The following ASB15 variants were observed in gnomAD, a reference collection of about 807,000 sequenced individuals.
ASB15 encodes the protein ankyrin repeat and SOCS box containing 15, also known as ankyrin repeat and SOCS box protein 15.
ASB15 carries 54 observed loss-of-function variants against 58.0 expected under a neutral mutation model. That is an observed-to-expected ratio of 0.93 (90% CI 0.75 to 1.17). The LOEUF (loss-of-function observed/expected upper bound fraction) is 1.17, where lower values mean the gene tolerates loss of function less well. Among genes scored for constraint, ASB15 ranks in the 50% most tolerant of loss-of-function variants. The pLI, the probability that ASB15 is intolerant of heterozygous loss-of-function variation, is 0.00. For synonymous variants in ASB15, 249 were observed against 262.4 expected, an observed-to-expected ratio of 0.95 and a Z score of 0.50; for missense variants, 680 against 707.4, an observed-to-expected ratio of 0.96 and a Z score of 0.44.
At chr7:123,600,269 A>G (rs7803691), upstream of ASB15, among the ~76,000 whole-genome samples, 19,245 of 152,146 alleles carry the variant, frequency 0.13, 1,388 homozygotes, top group Admixed American at 0.19. Context: ...TTATTTTACC[A>G]CATGATCTTA....
chr7:123,593,835 G>T (rs913386975), intron 1 of ASB15, among the ~76,000 whole-genome samples: 2 of 152,164 alleles, frequency 1.3e-5, no homozygotes, highest in Non-Finnish European at 2.9e-5. Context: ...TGCCTTGCTA[G>T]GTTGGGGAAG....
intron 7 of ASB15, among the ~76,000 whole-genome samples, chr7:123,624,358 G>C (rs1352911457): frequency 1.3e-5 from 2 of 152,128 alleles, no homozygotes; most frequent in Non-Finnish European, 2.9e-5. Flanking sequence ...AGGTCTTAAA[G>C]AAAAGGTAGT....
Position 123,624,731 on chromosome 7 carries a change from T to G in ASB15, c.614T>G (p.Leu205Arg). 4 of 1,614,154 alleles carry G rather than the reference T, an allele frequency of 2.5e-6. No homozygotes were observed. Among genetic ancestry groups the G allele is most frequent in the Non-Finnish European group, 3.4e-6 (4 of 1,180,010 alleles). The change falls in exon 8 of 12, where the codon CTG (leucine) becomes CGG (arginine). Residue 205 changes from leucine (L) to arginine (R), a missense_variant. Transcript: ENST00000451215. ...CTGAAACATGGAGGCAATGTCCACCTGAGAGATGGATTTGGAGTCACACCA... is the reference window on the plus strand; with the variant it reads ...CTGAAACATGGAGGCAATGTCCACCGGAGAGATGGATTTGGAGTCACACCA... Reference protein sequence around the residue: ...LLLKHGGNVHLRDGFGVTPLG... With the variant: ...LLLKHGGNVHRRDGFGVTPLG...
intron 8 of ASB15, among the ~76,000 whole-genome samples, chr7:123,625,907 T>C (rs1225459043): frequency 6.6e-6 from 1 of 152,200 alleles, no homozygotes; most frequent in Non-Finnish European, 1.5e-5. Flanking sequence ...AAATAAGCCC[T>C]GTGAAGTAAG....
intron 4 of ASB15, among the ~76,000 whole-genome samples, chr7:123,615,815 G>C (rs1800765177): frequency 6.6e-6 from 1 of 152,106 alleles, no homozygotes; most frequent in Non-Finnish European, 1.5e-5. Flanking sequence ...AAAACCTAGA[G>C]ATCTTTCTAT....
intron 6 of ASB15, among the ~76,000 whole-genome samples, chr7:123,617,030 C>T (rs1800861696): frequency 1.3e-5 from 2 of 152,086 alleles, no homozygotes; most frequent in African/African-American, 4.8e-5. Context: ...TTTCACATCT[C>T]AGCATCTTAC....
At chr7:123,636,593 G>A (rs1802439493) in intron 11 of ASB15, among the ~76,000 whole-genome samples, 1 of 152,176 alleles carries the variant, frequency 6.6e-6, no homozygotes, top group Non-Finnish European at 1.5e-5. Flanking sequence ...CTGGCACAGA[G>A]ACAGACTAAA....
intron 1 of ASB15, among the ~76,000 whole-genome samples, chr7:123,592,700 T>A (rs1799574015): frequency 6.6e-6 from 1 of 152,162 alleles, no homozygotes; most frequent in Admixed American, 6.6e-5. Flanking sequence ...GTGTTTTACT[T>A]CCAATTTTTT....
intron 11 of ASB15, among the ~76,000 whole-genome samples, chr7:123,631,168 G>A (rs1195924924): frequency 6.6e-6 from 1 of 152,078 alleles, no homozygotes; most frequent in African/African-American, 2.4e-5. Context: ...GACCAAGATA[G>A]CCATCCTAGT....
At chr7:123,619,588 A>G (rs1008793591) in intron 7 of ASB15, among the ~76,000 whole-genome samples, 8 of 152,190 alleles carry the variant, frequency 5.3e-5, no homozygotes, top group Middle Eastern at 3.4e-3. Flanking sequence ...CAGTGGCGCA[A>G]TCTCGGCTCA....
At chr7:123,623,977 AAGAAAG>A (rs1365931187) in intron 7 of ASB15, among the ~76,000 whole-genome samples, 3 of 144,352 alleles carry the variant, frequency 2.1e-5, no homozygotes, top group African/African-American at 7.5e-5. Context: ...GAAAGAAAGA[AAGAAAG>A]AAAGAAAGAA....
At chr7:123,635,346 CTTTAT>C (rs544865538) in intron 11 of ASB15, among the ~76,000 whole-genome samples, 10 of 152,178 alleles carry the variant, frequency 6.6e-5, no homozygotes, top group South Asian at 4.1e-4. Context: ...TGTGTACTTT[CTTTAT>C]TTTATTTTGC....
At chr7:123,632,892 A>G (rs1334466502) in intron 11 of ASB15, among the ~76,000 whole-genome samples, 1 of 152,210 alleles carries the variant, frequency 6.6e-6, no homozygotes, top group East Asian at 1.9e-4. Flanking sequence ...TATAAGAGAA[A>G]AAAATAGATT....
At chr7:123,607,783 G>A (rs557610029) in intron 2 of ASB15, among the ~76,000 whole-genome samples, 5 of 152,246 alleles carry the variant, frequency 3.3e-5, no homozygotes, top group South Asian at 2.1e-4. Context: ...CACCAGGCCC[G>A]GCCTTCTTCC....
At chr7:123,577,449 T>C (rs1386417657) in intron 1 of ASB15, among the ~76,000 whole-genome samples, 1 of 152,186 alleles carries the variant, frequency 6.6e-6, no homozygotes, top group East Asian at 1.9e-4. Context: ...TCACTTAAGA[T>C]AACTGAACAC....
At chr7:123,583,943 A>G (rs1470765655) in intron 1 of ASB15, among the ~76,000 whole-genome samples, 1 of 151,450 alleles carries the variant, frequency 6.6e-6, no homozygotes, top group Non-Finnish European at 1.5e-5. Flanking sequence ...ACAGTCGATC[A>G]CTCCTTTCGG....
At chr7:123,567,943 G>A (rs946671070) in intron 1 of ASB15, among the ~76,000 whole-genome samples, 1 of 151,834 alleles carries the variant, frequency 6.6e-6, no homozygotes, top group Non-Finnish European at 1.5e-5. Flanking sequence ...AAAATGATTT[G>A]GATTTTTACC....
chr7:123,621,883 C>T (rs1053788788), intron 7 of ASB15, among the ~76,000 whole-genome samples: 7 of 152,198 alleles, frequency 4.6e-5, no homozygotes, highest in African/African-American at 1.7e-4. Context: ...TAGGCACAAG[C>T]TGATCCTGGC....
rs761947941 is a variant in ASB15 at position 123,624,607 on chromosome 7, A to G, written c.490A>G (p.Ile164Val). 4 of 1,613,644 alleles carry G rather than the reference A, an allele frequency of 2.5e-6. No individual in the cohort carries two copies. Among genetic ancestry groups the G allele is most frequent in the Non-Finnish European group, 3.4e-6 (4 of 1,179,674 alleles). The change falls in exon 8 of 12, where the codon ATC becomes GTC. Residue 164 changes from isoleucine (I) to valine (V), a missense_variant. Ile to Val is a conservative substitution (Grantham distance 29, BLOSUM62 3). Transcript: ENST00000451215. ...CTCCTATGACATGGTGTCGACTCTG[A>G]TCAAACATAACACTAGCCTAGACCA... Reference protein sequence around the residue: ...KGSYDMVSTLIKHNTSLDQPC... With the variant: ...KGSYDMVSTLVKHNTSLDQPC...
Sources: gnomAD v4.1 joint callset for allele counts (sites outside exome capture counted in the v4.1 genomes callset) on GRCh38, gnomAD v4.1.1 for gene constraint, MANE v1.5 for transcripts, NCBI Gene and HGNC (gene_info 2026-07-23, HGNC 2026-07-21) for gene names.